CCDC181: variants seen among roughly 807,000 people sequenced by gnomAD.
CCDC181 encodes the protein coiled-coil domain-containing protein 181.
CCDC181 carries 35 observed loss-of-function variants against 58.7 expected under a neutral mutation model. The ratio of observed to expected loss-of-function variants is 0.60; its 90% confidence interval spans 0.46 to 0.79. The LOEUF is 0.79. CCDC181 is among the 30% of genes least tolerant of loss of function. CCDC181 has a pLI of 0.00. For missense variants in CCDC181, 517 were observed against 583.9 expected, an observed-to-expected ratio of 0.89 and a Z score of 1.18; for synonymous variants, 183 against 197.5, an observed-to-expected ratio of 0.93 and a Z score of 0.62.
In CCDC181 at chr1:169,424,879, C is replaced by T; in HGVS notation, c.49G>A (p.Asp17Asn). ...TDSKKSEEYE[D>N]DFEKDLEWLI... ...CACTCCAGGTCCTTTTCAAAGTCATCTTCGTATTCTTCACTTTTCTTTGAA... is the reference window on the plus strand; with the variant it reads ...CACTCCAGGTCCTTTTCAAAGTCATTTTCGTATTCTTCACTTTTCTTTGAA... The change falls in exon 2 of 6, where the codon GAT becomes AAT. Residue 17 changes from aspartate (D) to asparagine (N), a missense_variant. Physicochemically the swap from Asp to Asn is conservative, Grantham distance 23. Transcript: ENST00000367806. The T allele has an allele frequency of 6.2e-7, 1 of 1,607,466 alleles. No homozygotes were observed. The highest frequency in any genetic ancestry group is 8.5e-7 in the Non-Finnish European group (1 of 1,175,130).
chr1:169,405,591 A>G (rs1284456170), intron 4 of CCDC181, among the ~76,000 whole-genome samples: 1 of 152,212 alleles, frequency 6.6e-6, no homozygotes, highest in Non-Finnish European at 1.5e-5. Flanking sequence ...TGCTGGGAAA[A>G]CTGGCTAGCC....
chr1:169,411,683 A>ATCACC, intron 4 of CCDC181, among the ~76,000 whole-genome samples: 1 of 151,650 alleles, frequency 6.6e-6, no homozygotes, highest in Middle Eastern at 3.4e-3. Flanking sequence ...AAAGTTCAAC[A>ATCACC]TCAAGTCAAC....
chr1:169,413,473 C>A (rs1212308673), intron 4 of CCDC181, among the ~76,000 whole-genome samples: 2 of 152,040 alleles, frequency 1.3e-5, no homozygotes, highest in African/African-American at 2.4e-5. Flanking sequence ...TTCCTCAAGG[C>A]TCTAGAACCA....
chr1:169,421,720 C>T lies in CCDC181; in HGVS notation c.711G>A (p.Gly237=). The change falls in exon 3 of 6, where the codon GGG becomes GGA. Residue 237 remains glycine (G), a synonymous_variant. Transcript: ENST00000367806. The stretch of plus-strand genomic sequence containing the variant: ...TTGCATTATTAATGGGAGGCAAAAA[C>T]CCCTGACTGGCAATGTCTTGTAAAT... ...LLNLQDIASQ[G]FLPPINNANS... The T allele has an allele frequency of 6.2e-7, 1 of 1,613,970 alleles. No individual in the cohort carries two copies. Among genetic ancestry groups the T allele is most frequent in the South Asian group, 1.1e-5 (1 of 91,066 alleles).
At chr1:169,404,373 A>G (rs1655531018) in intron 4 of CCDC181, among the ~76,000 whole-genome samples, 3 of 152,184 alleles carry the variant, frequency 2.0e-5, no homozygotes, top group African/African-American at 7.2e-5. Context: ...AGAATTTTTG[A>G]CCAATACCCC....
chr1:169,415,734 C>A (rs1227255916), intron 4 of CCDC181, among the ~76,000 whole-genome samples: 2 of 152,148 alleles, frequency 1.3e-5, no homozygotes, highest in African/African-American at 4.8e-5. Flanking sequence ...ATATTCCTCT[C>A]CATGCCAGTC....
intron 2 of CCDC181, among the ~76,000 whole-genome samples, chr1:169,450,880 G>A (rs990730830): frequency 2.6e-5 from 4 of 152,040 alleles, no homozygotes; most frequent in Admixed American, 2.0e-4. Flanking sequence ...TGCTTTTCCC[G>A]AATGACAAAT....
intron 2 of CCDC181, among the ~76,000 whole-genome samples, chr1:169,451,941 A>G (rs1166656294): frequency 6.6e-6 from 1 of 152,084 alleles, no homozygotes; most frequent in South Asian, 2.1e-4. Context: ...CTATGTTATG[A>G]TTAATTAAGC....
intron 2 of CCDC181, among the ~76,000 whole-genome samples, chr1:169,456,450 G>C (rs192085008): frequency 3.9e-5 from 6 of 152,190 alleles, no homozygotes; most frequent in Admixed American, 2.0e-4. Flanking sequence ...GCTAATGACT[G>C]TTTGGTGCTG....
chr1:169,406,072 A>C (rs917271813), intron 4 of CCDC181, among the ~76,000 whole-genome samples: 1 of 152,248 alleles, frequency 6.6e-6, no homozygotes, highest in African/African-American at 2.4e-5. Flanking sequence ...GCCATCAGAG[A>C]AATGCAAATC....
At chr1:169,441,929 G>A (rs77194696) in intron 2 of CCDC181, among the ~76,000 whole-genome samples, 22 of 151,960 alleles carry the variant, frequency 1.4e-4, no homozygotes, top group Non-Finnish European at 2.8e-4. Context: ...ATATGATCCC[G>A]GAAATAGATA....
chr1:169,459,012 ATTAT>A (rs1319627924), intron 2 of CCDC181, among the ~76,000 whole-genome samples: 1 of 152,120 alleles, frequency 6.6e-6, no homozygotes, highest in Admixed American at 6.5e-5. Flanking sequence ...TATTAAAATA[ATTAT>A]TCATTCTCGT....
intron 2 of CCDC181, among the ~76,000 whole-genome samples, chr1:169,443,976 A>G (rs1017076911): frequency 1.4e-4 from 21 of 152,210 alleles, no homozygotes; most frequent in African/African-American, 5.1e-4. Flanking sequence ...TAATAGACAT[A>G]GTTATAAAAT....
chr1:169,454,178 C>G (rs1333859755), intron 2 of CCDC181, among the ~76,000 whole-genome samples: 1 of 151,942 alleles, frequency 6.6e-6, no homozygotes, highest in African/African-American at 2.4e-5. Flanking sequence ...TTTTTAAACA[C>G]TTCATGTTTT....
chr1:169,434,535 G>A (rs979146411), intron 2 of CCDC181, among the ~76,000 whole-genome samples: 1 of 151,970 alleles, frequency 6.6e-6, no homozygotes, highest in African/African-American at 2.4e-5. Context: ...AGCAACCCAA[G>A]TGACCATTGA....
chr1:169,458,366 A>AT (rs1657739972), intron 2 of CCDC181, among the ~76,000 whole-genome samples: 1 of 152,090 alleles, frequency 6.6e-6, no homozygotes, highest in South Asian at 2.1e-4. Context: ...CCCACCAGCA[A>AT]TTTATGAGAT....
At chr1:169,455,376 A>T (rs1022724128) in intron 2 of CCDC181, among the ~76,000 whole-genome samples, 1 of 152,066 alleles carries the variant, frequency 6.6e-6, no homozygotes, top group Non-Finnish European at 1.5e-5. Context: ...GCTAGAGGCA[A>T]ACTTTCCTTA....
At chr1:169,417,716 A>T (rs1656275788) in intron 4 of CCDC181, among the ~76,000 whole-genome samples, 1 of 152,120 alleles carries the variant, frequency 6.6e-6, no homozygotes, top group Non-Finnish European at 1.5e-5. Context: ...GGAGCCCACC[A>T]AGAGTCATCT....
chr1:169,428,487 A>G (rs1040472067), upstream of CCDC181, among the ~76,000 whole-genome samples: 2 of 151,440 alleles, frequency 1.3e-5, no homozygotes, highest in East Asian at 2.0e-4. Context: ...TATTTTTCAA[A>G]TAATGGGTGA....
Sources: allele counts gnomAD v4.1 joint callset (sites outside exome capture counted in the v4.1 genomes callset), GRCh38; gene constraint gnomAD v4.1.1; transcripts MANE v1.5; gene names NCBI Gene and HGNC (gene_info 2026-07-23, HGNC 2026-07-21).